The following ZFAND3 variants were observed in gnomAD, a reference collection of about 807,000 sequenced individuals.
The protein encoded by ZFAND3 is zinc finger AN1-type containing 3.
In ZFAND3, 10 loss-of-function variants were observed where a neutral mutation model predicts 29.6. The observed-to-expected ratio is 0.34, with a 90% CI of 0.21 to 0.57. The LOEUF (loss-of-function observed/expected upper bound fraction) is 0.57. Ranked by LOEUF, ZFAND3 falls within the 20% of genes least tolerant of loss-of-function variation. The pLI is 0.86. For missense variants in ZFAND3, 230 were observed against 304.5 expected (o/e 0.76, Z 1.82); for synonymous variants, 128 against 112.6 (o/e 1.14, Z -0.87).
chr6:38,109,574 A>G (rs1581925436), intron 4 of ZFAND3, among the ~76,000 whole-genome samples: 1 of 152,016 alleles, frequency 6.6e-6, no homozygotes, highest in Admixed American at 6.6e-5. Flanking sequence ...TGATGAGTTC[A>G]TAGTCACTTG....
intron 2 of ZFAND3, among the ~76,000 whole-genome samples, chr6:37,994,265 A>G (rs1400567773): frequency 6.6e-6 from 1 of 152,154 alleles, no homozygotes; most frequent in East Asian, 1.9e-4. Context: ...TCGCCTCCAT[A>G]GTGGACCAAG....
In ZFAND3 at chr6:38,110,926, G is replaced by A. The variant is rs905740509; in HGVS notation, c.362-5646G>A. Among the ~76,000 whole-genome samples the A allele has an allele frequency of 2.6e-5, 4 of 152,184 alleles. 1 individual carries two copies. The highest frequency in any genetic ancestry group is 4.8e-5 in the African/African-American group (2 of 41,436). Reference sequence around the variant, plus strand: ...GGCTGCCAGCTGCAGGGTGACAGGAGATTAAGAGAGATTGAGATTCAGCTT... The same window carrying A: ...GGCTGCCAGCTGCAGGGTGACAGGAAATTAAGAGAGATTGAGATTCAGCTT... On this transcript the variant is annotated intron_variant, in intron 4 of 5. Transcript: ENST00000287218.
intron 2 of ZFAND3, among the ~76,000 whole-genome samples, chr6:37,980,917 C>G (rs1762567896): frequency 6.6e-6 from 1 of 152,168 alleles, no homozygotes; most frequent in African/African-American, 2.4e-5. Context: ...TAAGCAGTAC[C>G]TAGCTTGGTG....
intron 2 of ZFAND3, among the ~76,000 whole-genome samples, chr6:37,990,864 A>G (rs1006151061): frequency 6.6e-6 from 1 of 152,104 alleles, no homozygotes; most frequent in African/African-American, 2.4e-5. Context: ...GGCCACCTCC[A>G]TTACAGATTC....
intron 1 of ZFAND3, among the ~76,000 whole-genome samples, chr6:37,919,536 G>A (rs1761333641): frequency 6.6e-6 from 1 of 151,578 alleles, no homozygotes; most frequent in South Asian, 2.1e-4. Context: ...TAGCCTCCAA[G>A]TTGTTTGAGA....
intron 2 of ZFAND3, among the ~76,000 whole-genome samples, chr6:38,008,395 A>AAT (rs1460422559): frequency 1.3e-5 from 2 of 152,188 alleles, no homozygotes; most frequent in African/African-American, 4.8e-5. Context: ...TAAACTCACA[A>AAT]ATAGAGGAAC....
chr6:38,112,957 A>G (rs1457890835), intron 4 of ZFAND3, among the ~76,000 whole-genome samples: 1 of 152,214 alleles, frequency 6.6e-6, no homozygotes, highest in Non-Finnish European at 1.5e-5. Context: ...CTTCTCGAAG[A>G]AATTACACAT....
chr6:37,853,913 C>CTG (rs1764328785), intron 1 of ZFAND3, among the ~76,000 whole-genome samples: 2 of 152,076 alleles, frequency 1.3e-5, no homozygotes, highest in Non-Finnish European at 2.9e-5. Context: ...GTACAGAAAA[C>CTG]TGAAACACAT....
At chr6:37,890,114 T>C (rs1431521120) in intron 1 of ZFAND3, among the ~76,000 whole-genome samples, 1 of 152,228 alleles carries the variant, frequency 6.6e-6, no homozygotes, top group Non-Finnish European at 1.5e-5. Flanking sequence ...GCATGAGTCC[T>C]ATGGTTCCTT....
intron 1 of ZFAND3, among the ~76,000 whole-genome samples, chr6:37,845,435 TA>T (rs1764160728): frequency 6.6e-6 from 1 of 152,198 alleles, no homozygotes; most frequent in Non-Finnish European, 1.5e-5. Flanking sequence ...AGGGTAAACA[TA>T]AATGAAATTT....
chr6:37,980,286 T>C (rs891125758), intron 2 of ZFAND3, among the ~76,000 whole-genome samples: 3 of 152,162 alleles, frequency 2.0e-5, no homozygotes, highest in African/African-American at 4.8e-5. Flanking sequence ...CGCTTGGATG[T>C]AGTTGTTTTT....
intron 1 of ZFAND3, among the ~76,000 whole-genome samples, chr6:37,823,916 T>C (rs1449193974): frequency 6.6e-6 from 1 of 151,986 alleles, no homozygotes; most frequent in Non-Finnish European, 1.5e-5. Context: ...CCCAGCCTCC[T>C]GAGTAGCTGG....
intron 3 of ZFAND3, among the ~76,000 whole-genome samples, chr6:38,063,665 G>A (rs1325582384): frequency 6.6e-6 from 1 of 152,152 alleles, no homozygotes; most frequent in African/African-American, 2.4e-5. Flanking sequence ...TTTCTCAATG[G>A]CAAATGACTG....
chr6:37,843,155 C>A (rs911327054), intron 1 of ZFAND3, among the ~76,000 whole-genome samples: 4 of 150,580 alleles, frequency 2.7e-5, no homozygotes, highest in African/African-American at 9.8e-5. Flanking sequence ...ATTTCTTAAG[C>A]CCACTGTGCC....
intron 2 of ZFAND3, among the ~76,000 whole-genome samples, chr6:37,975,001 C>G (rs1337293048): frequency 6.6e-6 from 1 of 152,106 alleles, no homozygotes; most frequent in Non-Finnish European, 1.5e-5. Flanking sequence ...TGGGTAAATG[C>G]CTGCAAATGA....
intron 2 of ZFAND3, among the ~76,000 whole-genome samples, chr6:38,041,505 C>T (rs1416203826): frequency 1.3e-5 from 2 of 151,604 alleles, no homozygotes; most frequent in African/African-American, 4.8e-5. Flanking sequence ...ATTTAGTAAG[C>T]TATCCATTAC....
At chr6:37,919,128 A>G (rs1168616746) in intron 1 of ZFAND3, among the ~76,000 whole-genome samples, 1 of 151,496 alleles carries the variant, frequency 6.6e-6, no homozygotes, top group Non-Finnish European at 1.5e-5. Context: ...TAATTTTTGT[A>G]TTTTTAGTAG....
At chr6:38,056,168 T>C (rs1350389968) in intron 2 of ZFAND3, among the ~76,000 whole-genome samples, 1 of 152,190 alleles carries the variant, frequency 6.6e-6, no homozygotes, top group Non-Finnish European at 1.5e-5. Flanking sequence ...AGTGAAAAGT[T>C]GGTAAATGAA....
chr6:37,911,054 T>C, intron 1 of ZFAND3, among the ~76,000 whole-genome samples: 1 of 152,244 alleles, frequency 6.6e-6, no homozygotes, highest in South Asian at 2.1e-4. Context: ...TTTGGATATA[T>C]ACGCAGAAGT....
Sources: gnomAD v4.1 joint callset for allele counts (sites outside exome capture counted in the v4.1 genomes callset) on GRCh38, gnomAD v4.1.1 for gene constraint, MANE v1.5 for transcripts, NCBI Gene and HGNC (gene_info 2026-07-23, HGNC 2026-07-21) for gene names.